SPAG16: variants seen among roughly 807,000 people sequenced by gnomAD.
SPAG16 encodes the protein sperm associated antigen 16.
In SPAG16, 86 loss-of-function variants were observed where a neutral mutation model predicts 80.4. That is an observed-to-expected ratio of 1.07 (90% CI 0.90 to 1.28). The LOEUF (loss-of-function observed/expected upper bound fraction) is 1.28. SPAG16 is among the 50% of genes most tolerant of loss of function. The pLI, the probability that SPAG16 is intolerant of heterozygous loss-of-function variation, is 0.00. For missense variants in SPAG16, 870 were observed against 765.3 expected (o/e 1.14, Z -1.61); for synonymous variants, 294 against 265.9 (o/e 1.11, Z -1.03).
At chr2:213,892,639 G>A (rs774548633) in intron 11 of SPAG16, among the ~76,000 whole-genome samples, 26 of 152,126 alleles carry the variant, frequency 1.7e-4, no homozygotes, top group East Asian at 5.8e-4. Context: ...CACAGAAATC[G>A]TAGAGCTGAG....
At chr2:213,398,736 A>G (rs1434839150) in intron 9 of SPAG16, among the ~76,000 whole-genome samples, 1 of 152,040 alleles carries the variant, frequency 6.6e-6, no homozygotes, top group Admixed American at 6.6e-5. Context: ...TGCCTATCTT[A>G]CATATCTCTC....
intron 15 of SPAG16, among the ~76,000 whole-genome samples, chr2:214,207,600 T>A (rs937678020): frequency 1.3e-5 from 2 of 152,218 alleles, no homozygotes; most frequent in Non-Finnish European, 2.9e-5. Context: ...TTCTTTATTT[T>A]GATGGTTAAT....
chr2:214,242,957 A>G (rs546075451), intron 15 of SPAG16, among the ~76,000 whole-genome samples: 5 of 152,260 alleles, frequency 3.3e-5, no homozygotes, highest in African/African-American at 9.6e-5. Flanking sequence ...AGTAAAACTG[A>G]ATTCTCTTAA....
chr2:213,903,238 C>T (rs1411115878), intron 11 of SPAG16, among the ~76,000 whole-genome samples: 1 of 152,190 alleles, frequency 6.6e-6, no homozygotes, highest in Non-Finnish European at 1.5e-5. Flanking sequence ...CATGGGGGCT[C>T]AGACCCCACA....
At chr2:213,806,718 T>C (rs2071790278) in intron 10 of SPAG16, among the ~76,000 whole-genome samples, 1 of 152,122 alleles carries the variant, frequency 6.6e-6, no homozygotes, top group South Asian at 2.1e-4. Flanking sequence ...ACTAAAGATA[T>C]TATATAGTTA....
intron 13 of SPAG16, among the ~76,000 whole-genome samples, chr2:214,105,210 C>T (rs542070902): frequency 6.6e-6 from 1 of 152,044 alleles, no homozygotes; most frequent in African/African-American, 2.4e-5. Flanking sequence ...ACAAACAGCA[C>T]CCATGTCCAC....
intron 14 of SPAG16, among the ~76,000 whole-genome samples, chr2:214,112,774 G>A (rs551298106): frequency 2.0e-5 from 3 of 151,062 alleles, no homozygotes; most frequent in Non-Finnish European, 2.9e-5. Context: ...ATTCTTTATC[G>A]AACTTGCCAG....
At chr2:213,706,493 A>C (rs974385552) in intron 10 of SPAG16, among the ~76,000 whole-genome samples, 4 of 152,218 alleles carry the variant, frequency 2.6e-5, no homozygotes, top group Non-Finnish European at 5.9e-5. Flanking sequence ...ATGAAGATTA[A>C]TGCAATTCTA....
At chr2:213,981,700 A>G (rs1184010458) in intron 12 of SPAG16, among the ~76,000 whole-genome samples, 1 of 152,046 alleles carries the variant, frequency 6.6e-6, no homozygotes, top group African/African-American at 2.4e-5. Context: ...TAATGTGAAG[A>G]GCGCAACAAA....
intron 12 of SPAG16, among the ~76,000 whole-genome samples, chr2:214,000,820 G>T (rs1010719606): frequency 6.6e-6 from 1 of 152,200 alleles, no homozygotes; most frequent in African/African-American, 2.4e-5. Flanking sequence ...GAGGAAACAG[G>T]TGGGTTAAAT....
chr2:213,962,137 G>A (rs2044467190), intron 12 of SPAG16, among the ~76,000 whole-genome samples: 1 of 151,558 alleles, frequency 6.6e-6, no homozygotes, highest in Admixed American at 6.6e-5. Flanking sequence ...ATTTAAAGCG[G>A]TAATTATGGT....
At chr2:214,192,711 C>T (rs1311833248) in intron 15 of SPAG16, among the ~76,000 whole-genome samples, 1 of 151,944 alleles carries the variant, frequency 6.6e-6, no homozygotes, top group Non-Finnish European at 1.5e-5. Flanking sequence ...TCTTAAGTGT[C>T]TTTCATACAC....
intron 13 of SPAG16, among the ~76,000 whole-genome samples, chr2:214,088,538 A>G (rs911212571): frequency 2.6e-5 from 4 of 152,172 alleles, no homozygotes; most frequent in Non-Finnish European, 5.9e-5. Context: ...ACAATAAACA[A>G]TTCACTTCCA....
chr2:213,864,619 G>C (rs1380402164), intron 11 of SPAG16, among the ~76,000 whole-genome samples: 1 of 151,712 alleles, frequency 6.6e-6, no homozygotes, highest in Non-Finnish European at 1.5e-5. Flanking sequence ...TCTTTCCTTT[G>C]CTTTTAACAT....
intron 5 of SPAG16, among the ~76,000 whole-genome samples, chr2:213,326,333 T>G (rs1157736296): frequency 6.6e-6 from 1 of 151,986 alleles, no homozygotes; most frequent in Non-Finnish European, 1.5e-5. Flanking sequence ...CTATAAAAGG[T>G]CAAAGAGTGC....
At chr2:213,828,072 A>G (rs1394440780) in intron 10 of SPAG16, among the ~76,000 whole-genome samples, 1 of 152,014 alleles carries the variant, frequency 6.6e-6, no homozygotes, top group African/African-American at 2.4e-5. Context: ...TGAGAAGTTC[A>G]TTGTTATTAC....
intron 10 of SPAG16, among the ~76,000 whole-genome samples, chr2:213,502,653 T>G (rs2074792669): frequency 6.6e-6 from 1 of 152,228 alleles, no homozygotes; most frequent in Non-Finnish European, 1.5e-5. Flanking sequence ...TGAACATTTT[T>G]TGAAAAGTTG....
chr2:213,482,928 A>T (rs1358652505), intron 9 of SPAG16, among the ~76,000 whole-genome samples: 2 of 152,164 alleles, frequency 1.3e-5, no homozygotes, highest in East Asian at 3.8e-4. Context: ...GTTAAAAGTA[A>T]CATTAATTCC....
intron 10 of SPAG16, among the ~76,000 whole-genome samples, chr2:213,854,577 C>A (rs2075065487): frequency 6.6e-6 from 1 of 152,174 alleles, no homozygotes; most frequent in Non-Finnish European, 1.5e-5. Flanking sequence ...ACAATGTTCA[C>A]TAAATTTTCA....
Sources: allele counts gnomAD v4.1 joint callset (sites outside exome capture counted in the v4.1 genomes callset), GRCh38; gene constraint gnomAD v4.1.1; transcripts MANE v1.5; gene names NCBI Gene and HGNC (gene_info 2026-07-23, HGNC 2026-07-21).